ACSS3: variants seen among roughly 807,000 people sequenced by gnomAD.
ACSS3 encodes the protein acyl-CoA synthetase short chain family member 3, also known as acyl-CoA synthetase short-chain family member 3, mitochondrial.
A neutral mutation model predicts 84.2 loss-of-function variants in ACSS3; 64 were observed. The ratio of observed to expected loss-of-function variants is 0.76; its 90% confidence interval spans 0.62 to 0.94. The LOEUF is 0.94. Among genes scored for constraint, ACSS3 ranks in the 40% least tolerant of loss-of-function variants. The pLI, the probability that ACSS3 is intolerant of heterozygous loss-of-function variation, is 0.00. For missense variants in ACSS3, 815 were observed against 867.6 expected (o/e 0.94, Z 0.76); for synonymous variants, 317 against 310.1 (o/e 1.02, Z -0.23).
chr12:81,227,577 C>T (rs1921070), intron 11 of ACSS3, among the ~76,000 whole-genome samples: 1,590 of 151,896 alleles, frequency 0.01, 32 homozygotes, highest in African/African-American at 0.037. Flanking sequence ...AACAAAGAAA[C>T]GCATGAAAGG....
At chr12:81,242,580 A>T (rs377536606) in intron 13 of ACSS3, among the ~76,000 whole-genome samples, 1 of 149,650 alleles carries the variant, frequency 6.7e-6, no homozygotes, top group East Asian at 1.9e-4. Context: ...GACCAATATC[A>T]TTGATGAACA....
chr12:81,213,840 T>TCTCTTCTCTTCTCTTCTCTCCTCTC (rs1372554843), intron 9 of ACSS3, among the ~76,000 whole-genome samples: 4 of 25,910 alleles, frequency 1.5e-4, no homozygotes, highest in East Asian at 5.2e-4. Context: ...TCTCTTCTCT[T>TCTCTTCTCTTCTCTTCTCTCCTCTC]CTCTCCTCTC....
At chr12:81,079,289 A>G (rs1880822669) in intron 1 of ACSS3, among the ~76,000 whole-genome samples, 1 of 152,206 alleles carries the variant, frequency 6.6e-6, no homozygotes, top group African/African-American at 2.4e-5. Context: ...CTGAGGGTGA[A>G]GCACAGTCAG....
chr12:81,209,128 T>C (rs2032479124), intron 9 of ACSS3, among the ~76,000 whole-genome samples: 1 of 152,024 alleles, frequency 6.6e-6, no homozygotes, highest in Non-Finnish European at 1.5e-5. Context: ...CCCCTGATCT[T>C]TATCATGGGA....
intron 13 of ACSS3, among the ~76,000 whole-genome samples, chr12:81,240,488 T>A (rs536778259): frequency 4.6e-5 from 7 of 152,176 alleles, no homozygotes; most frequent in African/African-American, 1.4e-4. Context: ...TTGTTTTTGA[T>A]CTACTCTCTG....
At chr12:81,147,372 A>C (rs1469529119) in intron 5 of ACSS3, among the ~76,000 whole-genome samples, 2 of 152,328 alleles carry the variant, frequency 1.3e-5, no homozygotes, top group Non-Finnish European at 1.5e-5. Context: ...TCACTCATTT[A>C]GACAGTCAAC....
chr12:81,195,525 T>A (rs771048850), intron 8 of ACSS3, among the ~76,000 whole-genome samples: 1 of 152,084 alleles, frequency 6.6e-6, no homozygotes, highest in East Asian at 1.9e-4. Context: ...ATTACAAATA[T>A]ATACATTTGA....
intron 2 of ACSS3, among the ~76,000 whole-genome samples, chr12:81,114,022 C>G (rs550819617): frequency 6.6e-6 from 1 of 152,010 alleles, no homozygotes; most frequent in South Asian, 2.1e-4. Flanking sequence ...TTATTTTCAC[C>G]ATCACTAATT....
At chr12:81,163,724 G>A (rs1887266934) in intron 7 of ACSS3, among the ~76,000 whole-genome samples, 1 of 152,044 alleles carries the variant, frequency 6.6e-6, no homozygotes, top group Non-Finnish European at 1.5e-5. Flanking sequence ...GTAGGCCTAG[G>A]CTAATGTGTA....
chr12:81,143,528 T>C (rs1489415788), intron 5 of ACSS3: 9 of 196,548 alleles, frequency 4.6e-5, no homozygotes, highest in Non-Finnish European at 8.2e-5. Context: ...TCCAGAATTG[T>C]CTCAAATGCT....
At chr12:81,179,715 G>A (rs1185968748) in intron 8 of ACSS3, among the ~76,000 whole-genome samples, 3 of 147,084 alleles carry the variant, frequency 2.0e-5, no homozygotes, top group African/African-American at 7.5e-5. Flanking sequence ...AGCTTGCAGT[G>A]AGCTGAGATC....
chr12:81,133,730 T>A (rs1442183754), intron 2 of ACSS3, among the ~76,000 whole-genome samples: 1 of 152,120 alleles, frequency 6.6e-6, no homozygotes, highest in Non-Finnish European at 1.5e-5. Context: ...AATTTACTTA[T>A]TTATTGTGTT....
At chr12:81,245,119 A>G (rs148418569) in intron 13 of ACSS3, among the ~76,000 whole-genome samples, 1 of 152,262 alleles carries the variant, frequency 6.6e-6, no homozygotes, top group East Asian at 1.9e-4. Flanking sequence ...ATGAACATGT[A>G]TCCTTGGACT....
intron 8 of ACSS3, among the ~76,000 whole-genome samples, chr12:81,196,728 G>A (rs1408619020): frequency 1.3e-5 from 2 of 152,038 alleles, no homozygotes; most frequent in African/African-American, 2.4e-5. Context: ...TACAATCATG[G>A]TGGAAGGCTC....
intron 9 of ACSS3, among the ~76,000 whole-genome samples, chr12:81,202,243 C>T (rs770584985): frequency 6.6e-6 from 1 of 151,708 alleles, no homozygotes; most frequent in Non-Finnish European, 1.5e-5. Flanking sequence ...CGCACCACTG[C>T]ACTCCAGCCT....
chr12:81,167,405 A>G (rs1887452580), intron 7 of ACSS3, among the ~76,000 whole-genome samples: 1 of 152,146 alleles, frequency 6.6e-6, no homozygotes, highest in Non-Finnish European at 1.5e-5. Context: ...AATACAACAG[A>G]TGGGGTAATT....
intron 8 of ACSS3, among the ~76,000 whole-genome samples, chr12:81,181,048 C>G (rs2030884847): frequency 6.6e-6 from 1 of 152,020 alleles, no homozygotes; most frequent in Admixed American, 6.6e-5. Context: ...GTTTCTGTGG[C>G]CCAAGGGAAT....
chr12:81,176,386 T>G (rs2030480294), intron 8 of ACSS3, among the ~76,000 whole-genome samples: 1 of 152,002 alleles, frequency 6.6e-6, no homozygotes, highest in Middle Eastern at 3.2e-3. Flanking sequence ...CTGGCCAACA[T>G]GATGAAACCC....
chr12:81,214,291 G>A (rs2032817037), intron 9 of ACSS3, among the ~76,000 whole-genome samples: 1 of 152,048 alleles, frequency 6.6e-6, no homozygotes, highest in Non-Finnish European at 1.5e-5. Context: ...CTCCGAAAGT[G>A]CTGGAATTAC....
Sources: gnomAD v4.1 joint callset for allele counts (sites outside exome capture counted in the v4.1 genomes callset) on GRCh38, gnomAD v4.1.1 for gene constraint, MANE v1.5 for transcripts, NCBI Gene and HGNC (gene_info 2026-07-23, HGNC 2026-07-21) for gene names.